Variants in PARN observed in about 807,000 individuals in gnomAD.
PARN encodes poly(A)-specific ribonuclease PARN.
In PARN, 71 loss-of-function variants were observed where a neutral mutation model predicts 102.8. That is an observed-to-expected ratio of 0.69 (90% CI 0.57 to 0.84). The LOEUF is 0.84. Among genes scored for constraint, PARN ranks in the 40% least tolerant of loss-of-function variants. The pLI, the probability that PARN is intolerant of heterozygous loss-of-function variation, is 0.00. For synonymous variants in PARN, 261 were observed against 252.9 expected (o/e 1.03, Z -0.30); for missense variants, 782 against 760.9 (o/e 1.03, Z -0.33).
chr16:14,547,564 C>T (rs1967032078), intron 21 of PARN, among the ~76,000 whole-genome samples: 1 of 151,980 alleles, frequency 6.6e-6, no homozygotes, highest in Non-Finnish European at 1.5e-5. Flanking sequence ...AAAAAATTAG[C>T]AGGGTGTGGT....
chr16:14,554,954 G>A (rs1967569920), intron 19 of PARN, among the ~76,000 whole-genome samples: 2 of 152,148 alleles, frequency 1.3e-5, no homozygotes, highest in Admixed American at 6.6e-5. Flanking sequence ...CTAAGCAAGA[G>A]ATCTAACCAC....
chr16:14,622,212 A>G (rs1439303656), intron 5 of PARN, among the ~76,000 whole-genome samples: 1 of 152,208 alleles, frequency 6.6e-6, no homozygotes, highest in African/African-American at 2.4e-5. Flanking sequence ...AAAAAGATTC[A>G]AGACATGAGA....
chr16:14,440,052 C>CCAA (rs906949672), intron 23 of PARN, among the ~76,000 whole-genome samples: 3 of 151,840 alleles, frequency 2.0e-5, no homozygotes, highest in African/African-American at 7.3e-5. Context: ...ACCACCACCA[C>CCAA]CAACAACAAC....
chr16:14,480,504 T>C (rs1438305321), intron 22 of PARN, among the ~76,000 whole-genome samples: 3 of 152,138 alleles, frequency 2.0e-5, no homozygotes, highest in Non-Finnish European at 4.4e-5. Context: ...AACAACCCAA[T>C]TTTAAAAGGG....
chr16:14,480,254 A>G (rs368782287), intron 22 of PARN, among the ~76,000 whole-genome samples: 3 of 152,270 alleles, frequency 2.0e-5, no homozygotes, highest in East Asian at 3.9e-4. Flanking sequence ...CTTGAACCTG[A>G]GAGGCAGAGG....
chr16:14,507,556 G>T (rs1451681043), intron 21 of PARN, among the ~76,000 whole-genome samples: 1 of 151,720 alleles, frequency 6.6e-6, no homozygotes, highest in African/African-American at 2.4e-5. Flanking sequence ...AGGCATGGTG[G>T]TGTGTGTCTG....
At chr16:14,482,129 G>A (rs562814721) in intron 22 of PARN, among the ~76,000 whole-genome samples, 5 of 152,314 alleles carry the variant, frequency 3.3e-5, no homozygotes, top group Middle Eastern at 3.4e-3. Flanking sequence ...AGGCACAGTG[G>A]TTCACACCTG....
chr16:14,580,250 G>A (rs974484443), intron 18 of PARN, among the ~76,000 whole-genome samples: 8 of 151,644 alleles, frequency 5.3e-5, no homozygotes, highest in African/African-American at 1.5e-4. Context: ...GATTACAGGC[G>A]TGAGCCACCG....
chr16:14,605,512 T>C (rs1434869368), intron 10 of PARN, among the ~76,000 whole-genome samples: 2 of 151,860 alleles, frequency 1.3e-5, no homozygotes, highest in Admixed American at 6.6e-5. Flanking sequence ...TGTATTAACA[T>C]TAACAAAACT....
At chr16:14,533,427 G>C (rs1444136391) in intron 21 of PARN, among the ~76,000 whole-genome samples, 4 of 2,448 alleles carry the variant, frequency 1.6e-3, no homozygotes, top group Admixed American at 2.9e-3. Flanking sequence ...GAGACGGAGA[G>C]GGAGAGGGAG....
chr16:14,601,629 T>C (rs985862191), intron 11 of PARN, among the ~76,000 whole-genome samples: 2 of 152,012 alleles, frequency 1.3e-5, no homozygotes, highest in Admixed American at 1.3e-4. Flanking sequence ...ACAATTAAAA[T>C]TTTTTTGGGG....
Position 14,435,859 on chromosome 16 carries a change from G to A in PARN, c.*858C>T, listed in dbSNP as rs886527076. Reference sequence around the variant, plus strand: ...GTCGTTGCTGTGATCTGTTTCAACGGAGAATGGGCTGGGACATGTTGTAGA... The same window carrying A: ...GTCGTTGCTGTGATCTGTTTCAACGAAGAATGGGCTGGGACATGTTGTAGA... On this transcript the variant is annotated 3_prime_UTR_variant, in exon 24 of 24. Coordinates refer to ENST00000437198, the MANE Select transcript of PARN (RefSeq NM_002582.4). The A allele has an allele frequency of 6.6e-6, 1 of 151,472 alleles. No homozygotes were observed. Among genetic ancestry groups the A allele is most frequent in the African/African-American group, 2.4e-5 (1 of 41,010 alleles). 9.4% of individuals were successfully genotyped at this position (151,472 alleles called of 1,614,324 possible).
chr16:14,590,231 T>A (rs1424933326), intron 13 of PARN, among the ~76,000 whole-genome samples: 3 of 42,560 alleles, frequency 7.0e-5, no homozygotes, highest in Non-Finnish European at 1.2e-4. Context: ...TGAGACTCCA[T>A]CTCAAAAAAA....
At chr16:14,584,217 C>T (rs1237729697) in intron 16 of PARN, 130 bp downstream of exon 16, 8 of 596,800 alleles carry the variant, frequency 1.3e-5, no homozygotes, top group African/African-American at 7.5e-5. Flanking sequence ...ACACACGGTA[C>T]GTGCAAGTGA....
chr16:14,615,278 T>A (rs1288452773), intron 6 of PARN, among the ~76,000 whole-genome samples: 1 of 150,876 alleles, frequency 6.6e-6, no homozygotes, highest in African/African-American at 2.4e-5. Flanking sequence ...CACATTCCAA[T>A]CTGGCTGTTT....
chr16:14,589,362 G>A (rs974627152), intron 13 of PARN, among the ~76,000 whole-genome samples: 3 of 151,784 alleles, frequency 2.0e-5, no homozygotes, highest in South Asian at 2.1e-4. Context: ...GCAGGAGTTC[G>A]AGAGCAGCCT....
At chr16:14,521,851 C>G (rs2151653169) in intron 21 of PARN, among the ~76,000 whole-genome samples, 1 of 152,042 alleles carries the variant, frequency 6.6e-6, no homozygotes, top group East Asian at 1.9e-4. Context: ...TTTCAGTCAA[C>G]AGTGGACCCC....
At chr16:14,570,831 A>G (rs1968761596) in intron 18 of PARN, among the ~76,000 whole-genome samples, 1 of 150,556 alleles carries the variant, frequency 6.6e-6, no homozygotes, top group African/African-American at 2.4e-5. Flanking sequence ...AAAAAAAAAA[A>G]AAAAAAATTA....
At chr16:14,625,234 G>A (rs1015768089) in intron 5 of PARN, among the ~76,000 whole-genome samples, 5 of 151,274 alleles carry the variant, frequency 3.3e-5, no homozygotes, top group African/African-American at 9.7e-5. Flanking sequence ...CTGTAAGGCC[G>A]GGTGCGGTGG....
Sources: allele counts gnomAD v4.1 joint callset (sites outside exome capture counted in the v4.1 genomes callset), GRCh38; gene constraint gnomAD v4.1.1; transcripts MANE v1.5; gene names NCBI Gene and HGNC (gene_info 2026-07-23, HGNC 2026-07-21).